Variants in SLC30A3 observed in about 807,000 individuals in gnomAD.
The protein encoded by SLC30A3 is solute carrier family 30 member 3.
A neutral mutation model predicts 35.6 loss-of-function variants in SLC30A3; 20 were observed. That is an observed-to-expected ratio of 0.56 (90% confidence interval 0.39 to 0.82). The LOEUF (loss-of-function observed/expected upper bound fraction) is 0.82, where lower values mean the gene tolerates loss of function less well. Among genes scored for constraint, SLC30A3 ranks in the 40% least tolerant of loss-of-function variants. SLC30A3 has a pLI of 0.00. For missense variants in SLC30A3, 401 were observed against 530.6 expected (o/e 0.76, Z 2.40); for synonymous variants, 217 against 224.7 (o/e 0.97, Z 0.31).
upstream of SLC30A3, chr2:27,263,147 C>T (rs1677315411): frequency 1.5e-6 from 2 of 1,307,058 alleles, no homozygotes; most frequent in Non-Finnish European, 2.0e-6. Flanking sequence ...CCCGGCCTCT[C>T]CCCACCCTTA....
chr2:27,260,885 G>A (rs966490305), intron 1 of SLC30A3, among the ~76,000 whole-genome samples: 2 of 152,198 alleles, frequency 1.3e-5, no homozygotes, highest in East Asian at 1.9e-4. Context: ...CTGTGAAACC[G>A]ATCCTCATTC....
At position 27,258,971 on chromosome 2, in the gene SLC30A3, C is replaced by G. The variant is rs765969678; in HGVS notation, c.96-37G>C. 1 of 1,525,382 alleles carries G rather than the reference C, an allele frequency of 6.6e-7. No homozygotes were observed. Among genetic ancestry groups the G allele is most frequent in the Non-Finnish European group, 8.8e-7 (1 of 1,130,642 alleles). The allele number at this position is 1,525,382 out of a possible 1,614,324, so 94.5% of individuals were successfully genotyped here. On this transcript the variant is annotated intron_variant, in intron 1 of 7. Transcript: ENST00000233535. The surrounding 1 kb of genome is among the most constrained non-coding windows in gnomAD (Gnocchi z 4.0). The stretch of plus-strand genomic sequence containing the variant: ...AACATGGTTCAACCTGGGCCTGGCC[C>G]ACAGGCTGGCCTGCTCACTCCACGT...
chr2:27,263,382 C>CG, upstream of SLC30A3: 1 of 457,002 alleles, frequency 2.2e-6, no homozygotes, highest in Non-Finnish European at 4.5e-6. Flanking sequence ...CATGCCTGCG[C>CG]GGGGGTGTCG....
At chr2:27,266,811 C>T (rs1558566518), upstream of SLC30A3, among the ~76,000 whole-genome samples, 1 of 152,172 alleles carries the variant, frequency 6.6e-6, no homozygotes. Context: ...GCAGGAGAAT[C>T]ACTTGAATTC....
intron 1 of SLC30A3, among the ~76,000 whole-genome samples, chr2:27,273,399 G>C (rs1677819249): frequency 6.6e-6 from 1 of 152,208 alleles, no homozygotes; most frequent in South Asian, 2.1e-4. Context: ...GGGTCTTACA[G>C]ACTGAGGCAA....
rs1676846115 is a variant in SLC30A3 at position 27,256,281 on chromosome 2, A to G, written c.1018+105T>C. The G allele has an allele frequency of 3.8e-6, 5 of 1,315,454 alleles. No homozygotes were observed. In the Admixed American group the frequency reaches 7.4e-5, roughly 19 times the overall value. 81.5% of individuals were successfully genotyped at this position (1,315,454 alleles called of 1,614,324 possible). A position where few individuals can be genotyped will look rare whatever the true frequency, so the allele number is the denominator to read the frequency against. Reference sequence around the variant, plus strand: ...GAGAGAGAGACACAGAGAAACAGAGACAGATCAAAAAAGACTGAAACAATT... The same window carrying G: ...GAGAGAGAGACACAGAGAAACAGAGGCAGATCAAAAAAGACTGAAACAATT... On this transcript the variant is annotated intron_variant, in intron 7 of 7. Transcript: ENST00000233535.
Position 27,262,452 on chromosome 2 carries a change from C to T in SLC30A3, c.95+360G>A, listed in dbSNP as rs1343717398. ...CAGCGAGGCGCTCCCGCCCTGGGCC[C>T]GGGGCAATGCGGACCTTGGCGCACC... is the stretch of plus-strand genomic sequence containing the variant. On this transcript the variant is annotated intron_variant, in intron 1 of 7. Coordinates refer to ENST00000233535, the MANE Select transcript of SLC30A3 (RefSeq NM_003459.5). This position sits in a 1 kb window ranked among gnomAD's most constrained non-coding sequence, Gnocchi z 7.5. Among the ~76,000 whole-genome samples the T allele has an allele frequency of 6.6e-6, 1 of 151,920 alleles. No individual in the cohort carries two copies. The highest frequency in any genetic ancestry group is 1.9e-4 in the East Asian group (1 of 5,140).
intron 1 of SLC30A3, among the ~76,000 whole-genome samples, chr2:27,260,528 G>A (rs978224429): frequency 3.3e-5 from 5 of 152,158 alleles, no homozygotes; most frequent in African/African-American, 1.2e-4. Flanking sequence ...AACCCAGCAA[G>A]GACAGAATTT....
rs760115978 is a variant in SLC30A3, at chr2:27,257,309, C to T, written c.622G>A (p.Gly208Arg). 16 of 1,613,586 alleles carry T rather than the reference C, an allele frequency of 9.9e-6. No homozygotes were observed. Among genetic ancestry groups the T allele is most frequent in the Middle Eastern group, 1.6e-4 (1 of 6,078 alleles). ...GGTGCATACTCTGCTCCCCTAGACC[C>T]GTGGCTGTGGGGGGGCCCAGCCTGG... ...LHQAGPPHSH[G>R]SRGAEYAPLE... Residue 208 changes from glycine (G) to arginine (R), a missense_variant, in exon 5 of 8, where the codon GGG becomes AGG. Gly to Arg is a moderately radical substitution (Grantham distance 125, BLOSUM62 -2). Coordinates refer to ENST00000233535, the MANE Select transcript of SLC30A3 (RefSeq NM_003459.5). The surrounding 1 kb of genome is among the most constrained non-coding windows in gnomAD (Gnocchi z 4.7).
At chr2:27,263,175 C>T, upstream of SLC30A3, 1 of 1,204,080 alleles carries the variant, frequency 8.3e-7, no homozygotes, top group African/African-American at 1.6e-5. Flanking sequence ...CCCCCACTGC[C>T]AAAGCCCCAT....
upstream of SLC30A3, among the ~76,000 whole-genome samples, chr2:27,265,373 G>A (rs553882453): frequency 4.7e-4 from 72 of 152,336 alleles, no homozygotes; most frequent in African/African-American, 1.6e-3. This position sits in a 1 kb window ranked among gnomAD's most constrained non-coding sequence, Gnocchi z 5.9. Context: ...GCTTGGCGGC[G>A]AAACAGGATG....
intron 7 of SLC30A3, 109 bp downstream of exon 7, chr2:27,256,277 A>G: frequency 7.8e-7 from 1 of 1,284,884 alleles, no homozygotes. Context: ...ACAGAGAAAC[A>G]GAGACAGATC....
intron 1 of SLC30A3, chr2:27,275,063 G>C: frequency 1.8e-6 from 1 of 558,260 alleles, no homozygotes. Context: ...GGTCTTCCAG[G>C]TTGTGGAGGT....
Position 27,255,003 on chromosome 2 carries a change from C to T in SLC30A3, c.*309G>A. The T allele has an allele frequency of 8.5e-7, 1 of 1,175,434 alleles. No homozygotes were observed. The highest frequency in any genetic ancestry group is 1.1e-6 in the Non-Finnish European group (1 of 898,880). The allele number at this position is 1,175,434 out of a possible 1,614,324, so 72.8% of individuals were successfully genotyped here. On this transcript the variant is annotated 3_prime_UTR_variant, in exon 8 of 8. Transcript: ENST00000233535. The surrounding 1 kb of genome is among the most constrained non-coding windows in gnomAD (Gnocchi z 5.2). ...GACTGCAGGGAAAGGATGTTCGTGGCTCCACATGAACCATGGGGAGATGGC... is the reference window on the plus strand; with the variant it reads ...GACTGCAGGGAAAGGATGTTCGTGGTTCCACATGAACCATGGGGAGATGGC...
chr2:27,265,808 T>G (rs941067661), upstream of SLC30A3, among the ~76,000 whole-genome samples: 1 of 152,124 alleles, frequency 6.6e-6, no homozygotes, highest in East Asian at 1.9e-4. The surrounding 1 kb of genome is among the most constrained non-coding windows in gnomAD (Gnocchi z 5.9). Flanking sequence ...AGGCAGGAAT[T>G]GTTTCTTTCT....
Position 27,256,844 on chromosome 2 carries a change from C to T in SLC30A3, c.827G>A (p.Cys276Tyr). 6.2e-7 allele frequency: 1 copy of T among 1,606,554 alleles called. No individual in the cohort carries two copies. Among genetic ancestry groups the T allele is most frequent in the Non-Finnish European group, 8.5e-7 (1 of 1,178,432 alleles). Residue 276 changes from cysteine (C) to tyrosine (Y), a missense_variant, in exon 6 of 8, where the codon TGT becomes TAT. Coordinates refer to ENST00000233535, the MANE Select transcript of SLC30A3 (RefSeq NM_003459.5). ...GGTGGGAGCGGTGGATCCAAGGGCA[C>T]AGATGGAGAAGAGGAAGGTGCTGAT... ...DPISTFLFSI[C>Y]ALGSTAPTLR...
rs1676986475 is a variant in SLC30A3 at position 27,258,267 on chromosome 2, T to G, written c.318A>C (p.Ala106=). ...TGCCCACATCCGCCAGCAAGTGGGC[T>G]GCATCGGTCATGATGGCCAGGCTGT... ...LAHSLAIMTD[A]AHLLADVGSM... is the part of the protein sequence containing the mutation. Residue 106 remains alanine (A), a synonymous_variant, in exon 3 of 8, where the codon GCA becomes GCC. Transcript: ENST00000233535. The surrounding 1 kb of genome is among the most constrained non-coding windows in gnomAD (Gnocchi z 4.0). 6.5e-7 allele frequency: 1 copy of G among 1,547,610 alleles called. No homozygotes were observed. The highest frequency in any genetic ancestry group is 1.2e-5 in the South Asian group (1 of 80,658).
upstream of SLC30A3, among the ~76,000 whole-genome samples, chr2:27,264,781 A>G (rs1677421750): frequency 6.6e-6 from 1 of 152,178 alleles, no homozygotes; most frequent in Non-Finnish European, 1.5e-5. This position sits in a 1 kb window ranked among gnomAD's most constrained non-coding sequence, Gnocchi z 6.1. Context: ...AGGGAAGCAA[A>G]TTGAGGCGGC....
upstream of SLC30A3, among the ~76,000 whole-genome samples, chr2:27,266,060 CTT>C (rs1237606332): frequency 3.1e-4 from 43 of 136,608 alleles, no homozygotes; most frequent in Admixed American, 3.7e-4. Flanking sequence ...CTGTTTTGTT[CTT>C]TTTTTTTTTT....
Sources: gnomAD v4.1 joint callset for allele counts (sites outside exome capture counted in the v4.1 genomes callset) on GRCh38, gnomAD v4.1.1 for gene constraint, Gnocchi (gnomAD v3.1) non-coding constraint, MANE v1.5 for transcripts, NCBI Gene and HGNC (gene_info 2026-07-23, HGNC 2026-07-21) for gene names.